The following HIPK1 variants were observed in gnomAD, a reference collection of about 807,000 sequenced individuals.
HIPK1 encodes the protein homeodomain interacting protein kinase 1, also known as homeodomain-interacting protein kinase 1.
A neutral mutation model predicts 117.1 loss-of-function variants in HIPK1; 28 were observed. The ratio of observed to expected loss-of-function variants is 0.24; its 90% CI spans 0.18 to 0.33. The LOEUF (loss-of-function observed/expected upper bound fraction) is 0.33, where lower values mean the gene tolerates loss of function less well. HIPK1 is among the 10% of genes least tolerant of loss of function. HIPK1 has a pLI of 1.00. For missense variants in HIPK1, 1,122 were observed against 1,475.1 expected (o/e 0.76, Z 3.92); for synonymous variants, 605 against 562.5 (o/e 1.08, Z -1.07).
At chr1:113,954,149 C>T (rs903372716) in intron 3 of HIPK1, among the ~76,000 whole-genome samples, 7 of 151,940 alleles carry the variant, frequency 4.6e-5, no homozygotes, top group South Asian at 4.2e-4. Context: ...TTTGTAGAGT[C>T]GGGGATCTTG....
At chr1:113,956,864 C>G (rs778392419) in intron 6 of HIPK1, 53 bp downstream of exon 6, 5 of 1,520,820 alleles carry the variant, frequency 3.3e-6, no homozygotes, top group African/African-American at 1.4e-5. Context: ...GTTGAGTTAC[C>G]GCCTTATCAA....
chr1:113,973,401 G>C lies in HIPK1; in HGVS notation c.3522G>C (p.Gln1174His). ...LLTSASVAPA[Q>H]YQHQFATQSY... ...CTTCTGCCAGCGTGGCCCCTGCTCA[G>C]TACCAACACCAGTTTGCCACCCAAT... Residue 1174 changes from glutamine (Q) to histidine (H), a missense_variant, in exon 16 of 16, where the codon CAG becomes CAC. Transcript: ENST00000426820. 6.2e-7 allele frequency: 1 copy of C among 1,614,138 alleles called. No homozygotes were observed. Among genetic ancestry groups the C allele is most frequent in the Non-Finnish European group, 8.5e-7 (1 of 1,180,004 alleles).
At chr1:113,971,760 T>C in intron 14 of HIPK1, 64 bp from the exon 15 acceptor site, 2 of 1,511,732 alleles carry the variant, frequency 1.3e-6, no homozygotes, top group Non-Finnish European at 1.8e-6. Flanking sequence ...CTAATTAATA[T>C]GATGCCATCT....
intron 2 of HIPK1, among the ~76,000 whole-genome samples, chr1:113,942,383 T>C (rs76879473): frequency 0.016 from 2,417 of 152,320 alleles, 70 homozygotes; most frequent in African/African-American, 0.055. Flanking sequence ...AGTCTTGAAA[T>C]ACACAAAGAT....
At chr1:113,936,531 C>G (rs1173767052) in intron 1 of HIPK1, among the ~76,000 whole-genome samples, 1 of 151,806 alleles carries the variant, frequency 6.6e-6, no homozygotes, top group Non-Finnish European at 1.5e-5. Context: ...ATGGCATGAT[C>G]TCAGCTCACT....
intron 14 of HIPK1, among the ~76,000 whole-genome samples, 170 bp downstream of exon 14, chr1:113,970,367 A>G (rs1292686512): frequency 6.6e-6 from 1 of 152,236 alleles, no homozygotes; most frequent in Non-Finnish European, 1.5e-5. Context: ...ATTTTTGGCC[A>G]TCACTTTATC....
chr1:113,943,464 C>T (rs1670783710), intron 2 of HIPK1, among the ~76,000 whole-genome samples: 1 of 152,196 alleles, frequency 6.6e-6, no homozygotes, highest in Non-Finnish European at 1.5e-5. Context: ...ATCAGAACTT[C>T]ATTCCTTTTA....
chr1:113,958,056 T>C lies in HIPK1; in HGVS notation c.1756-10T>C. 1 of 1,597,950 alleles carries C rather than the reference T, an allele frequency of 6.3e-7. No homozygotes were observed. The highest frequency in any genetic ancestry group is 8.6e-7 in the Non-Finnish European group (1 of 1,165,336). On this transcript the variant is annotated splice_polypyrimidine_tract_variant and intron_variant, in intron 7 of 15. Transcript: ENST00000426820. ...ATACAAGTGTACAAATATAATCCTT[T>C]TGTTTTTAGGCCAGTGTTCTAGCTT...
At chr1:113,937,323 T>C (rs1670319669) in intron 1 of HIPK1, among the ~76,000 whole-genome samples, 1 of 152,248 alleles carries the variant, frequency 6.6e-6, no homozygotes, top group Non-Finnish European at 1.5e-5. Flanking sequence ...CCTTTTGATG[T>C]TCTGTAACAT....
rs944490946 is a variant in HIPK1 at position 113,941,526 on chromosome 1, C to T, written c.1076+67C>T. 21 of 1,191,836 alleles carry T rather than the reference C, an allele frequency of 1.8e-5. No homozygotes were observed. Among genetic ancestry groups the T allele is most frequent in the South Asian group, 9.8e-5 (7 of 71,500 alleles). 73.8% of individuals were successfully genotyped at this position (1,191,836 alleles called of 1,614,324 possible). On this transcript the variant is annotated intron_variant, in intron 2 of 15. Coordinates refer to ENST00000426820, the MANE Select transcript of HIPK1 (RefSeq NM_198268.3). The surrounding 1 kb of genome is among the most constrained non-coding windows in gnomAD (Gnocchi z 4.9). ...CTGTCCTTATATTTAACATATACCC[C>T]GTAGGCTACATATAGCAATGAATTT... is the stretch of plus-strand genomic sequence containing the variant.
intron 1 of HIPK1, 177 bp downstream of exon 1, chr1:113,929,709 T>C: frequency 1.2e-6 from 1 of 816,918 alleles, no homozygotes; most frequent in Non-Finnish European, 1.5e-6. Context: ...CGCGCGGGGC[T>C]GAGGCGGCGG....
chr1:113,969,027 C>T (rs1055878615), intron 13 of HIPK1, among the ~76,000 whole-genome samples: 1 of 152,000 alleles, frequency 6.6e-6, no homozygotes, highest in African/African-American at 2.4e-5. Flanking sequence ...CCCCTCCCGC[C>T]CCCACCCAAA....
Position 113,962,382 on chromosome 1 carries a change from G to A in HIPK1, c.2047G>A (p.Val683Ile), listed in dbSNP as rs776277358. The change falls in exon 9 of 16, where the codon GTA (valine) becomes ATA (isoleucine). Residue 683 changes from valine (V) to isoleucine (I), a missense_variant. This residue lies in a region of HIPK1 where 731 missense variants were observed against 860.4 expected (regional missense o/e 0.85). Coordinates refer to ENST00000426820, the MANE Select transcript of HIPK1 (RefSeq NM_198268.3). ...GAGGATGGATAATGCTGTACCGATTGTACCCCAGGCACCAGCTGCTCAGCC... is the reference window on the plus strand; with the variant it reads ...GAGGATGGATAATGCTGTACCGATTATACCCCAGGCACCAGCTGCTCAGCC... ...PVRMDNAVPI[V>I]PQAPAAQPLQ... The A allele has an allele frequency of 6.2e-7, 1 of 1,613,938 alleles. No homozygotes were observed. Among genetic ancestry groups the A allele is most frequent in the East Asian group, 2.2e-5 (1 of 44,850 alleles).
At chr1:113,970,816 T>C (rs1445325455) in intron 14 of HIPK1, among the ~76,000 whole-genome samples, 2 of 152,224 alleles carry the variant, frequency 1.3e-5, no homozygotes, top group East Asian at 1.9e-4. Flanking sequence ...TATAATTTCT[T>C]GGTACAAGTG....
At chr1:113,935,160 C>T (rs11583773) in intron 1 of HIPK1, among the ~76,000 whole-genome samples, 4 of 151,542 alleles carry the variant, frequency 2.6e-5, no homozygotes, top group African/African-American at 9.7e-5. Context: ...TTTATTTTTT[C>T]TGATCCTCTC....
Position 113,940,704 on chromosome 1 carries a change from T to C in HIPK1, c.321T>C (p.Thr107=), listed in dbSNP as rs989163235. Residue 107 remains threonine (T), a synonymous_variant, in exon 2 of 16, where the codon ACT becomes ACC. Coordinates refer to ENST00000426820, the MANE Select transcript of HIPK1 (RefSeq NM_198268.3). ...TSTFQSSQTL[T]HRSNVSLLEP... Reference sequence around the variant, plus strand: ...CCTTCCAAAGCAGCCAGACCCTGACTCACAGAAGCAACGTTTCTTTGCTTG... The same window carrying C: ...CCTTCCAAAGCAGCCAGACCCTGACCCACAGAAGCAACGTTTCTTTGCTTG... 4 of 1,614,162 alleles carry C rather than the reference T, an allele frequency of 2.5e-6. No homozygotes were observed. Among genetic ancestry groups the C allele is most frequent in the Non-Finnish European group, 3.4e-6 (4 of 1,180,040 alleles).
intron 2 of HIPK1, among the ~76,000 whole-genome samples, chr1:113,944,161 T>TTG (rs1670830332): frequency 1.8e-5 from 2 of 113,862 alleles, no homozygotes; most frequent in Non-Finnish European, 3.5e-5. Flanking sequence ...AGCCATGGGT[T>TTG]TTTTTTTTTT....
In HIPK1 at chr1:113,954,672, C is replaced by A; in HGVS notation, c.1222C>A (p.Gln408Lys). Residue 408 changes from glutamine (Q) to lysine (K), a missense_variant, in exon 4 of 16, where the codon CAA (glutamine) becomes AAA (lysine). By Grantham distance (53) the Gln-to-Lys change is moderately conservative. Coordinates refer to ENST00000426820, the MANE Select transcript of HIPK1 (RefSeq NM_198268.3). The part of the protein sequence containing the change: ...YDQIRYISQT[Q>K]GLPAEYLLSA... Reference sequence around the variant, plus strand: ...TCAGATTCGTTATATTTCACAAACACAAGGCTTGCCAGCTGAATATCTTCT... The same window carrying A: ...TCAGATTCGTTATATTTCACAAACAAAAGGCTTGCCAGCTGAATATCTTCT... 1 of 1,613,494 alleles carries A rather than the reference C, an allele frequency of 6.2e-7. No individual in the cohort carries two copies. The highest frequency in any genetic ancestry group is 8.5e-7 in the Non-Finnish European group (1 of 1,179,450).
In HIPK1 at chr1:113,974,722, A is replaced by G. The variant is rs900175133; in HGVS notation, c.*1210A>G. The stretch of plus-strand genomic sequence containing the variant: ...TAAAAATTTATTACTGAATTTAAAA[A>G]TATTTTAGAAGTTTTGTAATGGTGG... On this transcript the variant is annotated 3_prime_UTR_variant, in exon 16 of 16. Coordinates refer to ENST00000426820, the MANE Select transcript of HIPK1 (RefSeq NM_198268.3). 6 of 152,640 alleles carry G rather than the reference A, an allele frequency of 3.9e-5. No individual in the cohort carries two copies. The highest frequency in any genetic ancestry group is 3.2e-3 in the Middle Eastern group (1 of 316). The allele number at this position is 152,640 out of a possible 1,614,324, so 9.5% of individuals were successfully genotyped here. A position where few individuals can be genotyped will look rare whatever the true frequency, so the allele number is the denominator to read the frequency against.
Sources: gnomAD v4.1 joint callset for allele counts (sites outside exome capture counted in the v4.1 genomes callset) on GRCh38, gnomAD v4.1.1 for gene constraint, gnomAD v4.1.1 regional missense constraint, Gnocchi (gnomAD v3.1) non-coding constraint, MANE v1.5 for transcripts, NCBI Gene and HGNC (gene_info 2026-07-23, HGNC 2026-07-21) for gene names.